Variants in TNS3 observed in about 807,000 individuals in gnomAD.
TNS3 encodes the protein tensin-3.
A neutral mutation model predicts 140.9 loss-of-function variants in TNS3; 45 were observed. The observed-to-expected ratio is 0.32, with a 90% CI of 0.25 to 0.41. The LOEUF is 0.41. Among genes scored for constraint, TNS3 ranks in the 10% least tolerant of loss-of-function variants. The pLI is 1.00. For missense variants in TNS3, 1,716 were observed against 1,906.7 expected (o/e 0.90, Z 1.86); for synonymous variants, 815 against 788.4 (o/e 1.03, Z -0.56).
Position 47,369,165 on chromosome 7 carries a change from C to G in TNS3, c.1481G>C (p.Gly494Ala), listed in dbSNP as rs1483605791. 2 of 1,614,136 alleles carry G rather than the reference C, an allele frequency of 1.2e-6. No homozygotes were observed. Among genetic ancestry groups the G allele is most frequent in the Non-Finnish European group, 8.5e-7 (1 of 1,180,038 alleles). Residue 494 changes from glycine (G) to alanine (A), a missense_variant, in exon 17 of 31, where the codon GGG (glycine) becomes GCG (alanine). Gly to Ala is a moderately conservative substitution (Grantham distance 60). This residue lies in a region of TNS3 where 1,163 missense variants were observed against 1,182.1 expected (regional missense o/e 0.98). Coordinates refer to ENST00000311160, the MANE Select transcript of TNS3 (RefSeq NM_022748.12). The stretch of plus-strand genomic sequence containing the variant: ...AGGCCCTTCCGAGGAGGACAGGGTC[C>G]CAAGGCTGTCCACACTGTGCAGGTC... The part of the protein sequence containing the change: ...HHDLHSVDSL[G>A]TLSSSEGPQS...
chr7:47,304,951 G>A lies in TNS3; in HGVS notation c.2703C>T (p.Ser901=). The A allele has an allele frequency of 1.4e-6, 2 of 1,421,694 alleles. No individual in the cohort carries two copies. Among genetic ancestry groups the A allele is most frequent in the African/African-American group, 1.5e-5 (1 of 68,476 alleles). 88.1% of individuals were successfully genotyped at this position (1,421,694 alleles called of 1,614,324 possible). ...GCATCGTGGATTTGGGTCCGATGGGGCTCTCTGACATCCCCACAGCGTGAG... is the reference window on the plus strand; with the variant it reads ...GCATCGTGGATTTGGGTCCGATGGGACTCTCTGACATCCCCACAGCGTGAG... ...TLTHAVGMSE[S]PIGPKSTMLR... The change falls in exon 21 of 31, where the codon AGC becomes AGT. Residue 901 remains serine, a synonymous_variant. Transcript: ENST00000311160.
chr7:47,316,102 CTCTCTCTCTCT>C (rs1787388007), intron 20 of TNS3, among the ~76,000 whole-genome samples: 2 of 18,184 alleles, frequency 1.1e-4, no homozygotes, highest in Non-Finnish European at 2.4e-4. Flanking sequence ...ATTTCTCTCT[CTCTCTCTCTCT>C]CTCTCTCTCT....
intron 3 of TNS3, among the ~76,000 whole-genome samples, chr7:47,482,808 G>T (rs1584751759): frequency 6.6e-6 from 1 of 152,094 alleles, no homozygotes; most frequent in South Asian, 2.1e-4. Context: ...ATTACTAAGT[G>T]AAAGAAGCCA....
At chr7:47,339,587 G>A (rs893507887) in intron 20 of TNS3, among the ~76,000 whole-genome samples, 2 of 152,168 alleles carry the variant, frequency 1.3e-5, no homozygotes, top group African/African-American at 4.8e-5. Flanking sequence ...CTTGATGACT[G>A]TAGCTATACA....
intron 7 of TNS3, 108 bp from the exon 8 acceptor site, chr7:47,435,512 A>G (rs1463293422): frequency 6.6e-7 from 1 of 1,507,566 alleles, no homozygotes; most frequent in East Asian, 2.3e-5. Flanking sequence ...GGAGTAAAGA[A>G]CATGCTGGGT....
chr7:47,534,410 C>T (rs1799528564), intron 1 of TNS3, among the ~76,000 whole-genome samples: 1 of 152,130 alleles, frequency 6.6e-6, no homozygotes, highest in Non-Finnish European at 1.5e-5. Flanking sequence ...GAAAAGATAT[C>T]CTCCCCCTCC....
intron 4 of TNS3, among the ~76,000 whole-genome samples, chr7:47,462,004 C>T (rs557942468): frequency 2.6e-5 from 4 of 152,176 alleles, no homozygotes; most frequent in African/African-American, 9.7e-5. Context: ...GAACCCCAGA[C>T]CCTGGAGAGA....
intron 2 of TNS3, among the ~76,000 whole-genome samples, chr7:47,507,573 G>A (rs1057290838): frequency 6.6e-6 from 1 of 152,126 alleles, no homozygotes; most frequent in African/African-American, 2.4e-5. Flanking sequence ...TTGTGTGAAC[G>A]GAGCGAGTCC....
intron 4 of TNS3, among the ~76,000 whole-genome samples, chr7:47,460,160 C>A (rs1248136511): frequency 1.3e-5 from 2 of 148,748 alleles, no homozygotes; most frequent in Non-Finnish European, 3.0e-5. Context: ...TTGCAGTGAG[C>A]CGAGATCGCA....
intron 2 of TNS3, 57 bp downstream of exon 2, chr7:47,528,979 T>A: frequency 9.0e-7 from 1 of 1,109,742 alleles, no homozygotes; most frequent in South Asian, 1.4e-5. Context: ...TTTCGTTTTG[T>A]TTCTTGTTTG....
chr7:47,372,687 A>G (rs1448680727), intron 16 of TNS3, among the ~76,000 whole-genome samples: 3 of 152,210 alleles, frequency 2.0e-5, no homozygotes, highest in East Asian at 1.9e-4. Context: ...CACTCAGAGC[A>G]GGGTCTCATC....
At chr7:47,282,299 G>A (rs149498405) in intron 28 of TNS3, among the ~76,000 whole-genome samples, 1 of 151,618 alleles carries the variant, frequency 6.6e-6, no homozygotes, top group Non-Finnish European at 1.5e-5. Flanking sequence ...CCCTGACCCT[G>A]AGTCTACCAT....
At chr7:47,302,020 A>G (rs1403074451) in intron 23 of TNS3, among the ~76,000 whole-genome samples, 166 bp downstream of exon 23, 1 of 152,246 alleles carries the variant, frequency 6.6e-6, no homozygotes, top group Non-Finnish European at 1.5e-5. Context: ...TAAAGGTTGT[A>G]GCATGTCCCC....
chr7:47,474,210 AC>A (rs1015205133), intron 4 of TNS3, among the ~76,000 whole-genome samples: 1 of 150,796 alleles, frequency 6.6e-6, no homozygotes, highest in African/African-American at 2.4e-5. Flanking sequence ...CACAAAAAAC[AC>A]CTCACACACA....
In TNS3 at chr7:47,278,080, A is replaced by T. The variant is rs1189368962; in HGVS notation, c.4334T>A (p.Val1445Asp). ...TCCAGGGAGGGAGGGGAGTTCTCAG[A>T]CCTTCTTTGGGGAACCAATCATGAC... ...SKVMIGSPKKV is the reference protein window; with the variant it reads ...SKVMIGSPKKD The change falls in exon 31 of 31, where the codon GTC (valine) becomes GAC (aspartate). Residue 1445 changes from valine (V) to aspartate (D), a missense_variant. This residue lies in a region of TNS3 where 216 missense variants were observed against 295.7 expected (regional missense o/e 0.73). Transcript: ENST00000311160. 6.2e-7 allele frequency: 1 copy of T among 1,613,910 alleles called. No individual in the cohort carries two copies. The highest frequency in any genetic ancestry group is 8.5e-7 in the Non-Finnish European group (1 of 1,179,964).
chr7:47,329,479 A>G (rs1016338431), intron 20 of TNS3, among the ~76,000 whole-genome samples: 22 of 152,172 alleles, frequency 1.4e-4, no homozygotes, highest in African/African-American at 5.3e-4. Flanking sequence ...AAGAGTGGGC[A>G]GGTCAATGCC....
intron 7 of TNS3, among the ~76,000 whole-genome samples, chr7:47,436,740 T>A (rs1337856912): frequency 6.6e-6 from 1 of 152,172 alleles, no homozygotes; most frequent in East Asian, 1.9e-4. Flanking sequence ...GCTTAACAAA[T>A]CTATACACAT....
intron 3 of TNS3, chr7:47,481,723 G>C: frequency 2.0e-6 from 2 of 985,360 alleles, no homozygotes; most frequent in Non-Finnish European, 2.4e-6. Context: ...TGAAGACCGA[G>C]AGCTCCCTGG....
At chr7:47,580,826 A>G (rs1322827320) in intron 1 of TNS3, among the ~76,000 whole-genome samples, 1 of 152,248 alleles carries the variant, frequency 6.6e-6, no homozygotes, top group Admixed American at 6.5e-5. Flanking sequence ...AGGGTTGGTT[A>G]GTTCAGAAGG....
Sources: allele counts gnomAD v4.1 joint callset (sites outside exome capture counted in the v4.1 genomes callset), GRCh38; gene constraint gnomAD v4.1.1; regional missense constraint gnomAD v4.1.1; transcripts MANE v1.5; gene names NCBI Gene and HGNC (gene_info 2026-07-23, HGNC 2026-07-21).